CDK3: variants seen among roughly 807,000 people sequenced by gnomAD.
CDK3 encodes the protein cyclin-dependent kinase 3.
In CDK3, 24 loss-of-function variants were observed where a neutral mutation model predicts 30.2. The observed-to-expected ratio is 0.79, with a 90% CI of 0.57 to 1.12. The LOEUF (loss-of-function observed/expected upper bound fraction) is 1.12. Ranked by LOEUF, CDK3 falls within the 50% of genes most tolerant of loss-of-function variation. CDK3 has a pLI of 0.00. For missense variants in CDK3, 345 were observed against 376.0 expected, an observed-to-expected ratio of 0.92 and a Z score of 0.68; for synonymous variants, 158 against 154.2, an observed-to-expected ratio of 1.02 and a Z score of -0.18.
In CDK3 at chr17:76,005,200, A is replaced by G. The variant is rs948705782; in HGVS notation, c.793-98A>G. 72 of 1,490,440 alleles carry G rather than the reference A, an allele frequency of 4.8e-5. No individual in the cohort carries two copies. Among genetic ancestry groups the G allele is most frequent in the Non-Finnish European group, 5.9e-5 (65 of 1,110,238 alleles). 92.3% of individuals were successfully genotyped at this position (1,490,440 alleles called of 1,614,324 possible). A position where few individuals can be genotyped will look rare whatever the true frequency, so the allele number is the denominator to read the frequency against. ...GCGGTTCTGGGTTTGAGGGCAGCCA[A>G]TTTGGGGCCCAGGCCCTTGATCTGG... On this transcript the variant is annotated intron_variant, in intron 7 of 7. Transcript: ENST00000448471. This position sits in a 1 kb window ranked among gnomAD's most constrained non-coding sequence, Gnocchi z 4.7.
rs185401615 is a variant in CDK3 at position 76,003,420 on chromosome 17, C to T, written c.792+22C>T. 1.8e-4 allele frequency: 291 copies of T among 1,595,686 alleles called. 1 individual carries two copies. The East Asian group carries it at 3.7e-3, about 20-fold the overall frequency. On this transcript the variant is annotated intron_variant, in intron 7 of 7. Coordinates refer to ENST00000448471, the MANE Select transcript of CDK3 (RefSeq NM_001258.4). ...CATGGTAGGTGCATGTGGGCTCCAG[C>T]TGCTGCTCCGACTACAGTTTCCCCT...
intron 6 of CDK3, 28 bp from the exon 7 acceptor site, chr17:76,003,167 C>T: frequency 6.2e-7 from 1 of 1,603,428 alleles, no homozygotes; most frequent in Non-Finnish European, 8.5e-7. Flanking sequence ...GTGGCGGACC[C>T]CACACCTTCT....
At position 76,005,105 on chromosome 17, in the gene CDK3, A is replaced by G. The variant is rs1401834478; in HGVS notation, c.793-193A>G. Among the ~76,000 whole-genome samples the G allele has an allele frequency of 6.6e-6, 1 of 151,828 alleles. No individual in the cohort carries two copies. Among genetic ancestry groups the G allele is most frequent in the Non-Finnish European group, 1.5e-5 (1 of 67,942 alleles). ...TCAGTGGCCTGAGGAGACCTGGGTG[A>G]CTCGTTAGGACTGTCCAGATTCCAG... On this transcript the variant is annotated intron_variant, in intron 7 of 7. Coordinates refer to ENST00000448471, the MANE Select transcript of CDK3 (RefSeq NM_001258.4). The surrounding 1 kb of genome is among the most constrained non-coding windows in gnomAD (Gnocchi z 4.7).
chr17:76,003,064 G>A (rs1393627173), intron 6 of CDK3, 131 bp from the exon 7 acceptor site: 2 of 746,698 alleles, frequency 2.7e-6, no homozygotes, highest in African/African-American at 1.7e-5. Context: ...TCCAAAAGAG[G>A]CCAGAATTCT....
rs747669949 is a variant in CDK3, at chr17:76,003,353, A to C, written c.747A>C (p.Glu249Asp). The C allele has an allele frequency of 3.7e-6, 6 of 1,613,892 alleles. No homozygotes were observed. In the Admixed American group the frequency reaches 1.0e-4, roughly 27 times the overall value. The change falls in exon 7 of 8, where the codon GAA becomes GAC. Residue 249 changes from glutamate (E) to aspartate (D), a missense_variant. Physicochemically the swap from Glu to Asp is conservative, Grantham distance 45 (BLOSUM62 2). Coordinates refer to ENST00000448471, the MANE Select transcript of CDK3 (RefSeq NM_001258.4). Reference protein sequence around the residue: ...SFPKWTRKGLEEIVPNLEPEG... With the variant: ...SFPKWTRKGLDEIVPNLEPEG... ...CTAAGTGGACCAGGAAGGGACTGGA[A>C]GAGATTGTGCCCAATCTGGAGCCAG...
rs1229885799 is a variant in CDK3 at position 76,003,772 on chromosome 17, T to A, written c.792+374T>A. 2.0e-5 allele frequency among the ~76,000 whole-genome samples: 3 copies of A among 152,120 alleles called. No homozygotes were observed. The East Asian group carries it at 5.8e-4, about 29-fold the overall frequency. ...TTTTCTTTTTTTTGAGATGGAGTTT[T>A]GCTCTTGTTGCCCGGGCTGGAGTGC... is the stretch of plus-strand genomic sequence containing the variant. On this transcript the variant is annotated intron_variant, in intron 7 of 7. Transcript: ENST00000448471.
intron 7 of CDK3, among the ~76,000 whole-genome samples, chr17:76,004,214 C>T (rs921784206): frequency 7.5e-5 from 3 of 40,078 alleles, no homozygotes; most frequent in African/African-American, 1.8e-4. Context: ...CTGGCAGAAC[C>T]GTCTGTTTTT....
intron 6 of CDK3, 88 bp from the exon 7 acceptor site, chr17:76,003,107 C>A: frequency 2.0e-6 from 2 of 1,025,556 alleles, no homozygotes; most frequent in Non-Finnish European, 3.0e-6. Flanking sequence ...TCTTGACAGG[C>A]CTCTCCCTGG....
In CDK3 at chr17:76,002,710, G is replaced by A; in HGVS notation, c.588+98G>A. Reference sequence around the variant, plus strand: ...ATGCTCCCATTCGAGGCGGATTAAAGAGTGTTTGGGGCTGGACATGGCTCA... The same window carrying A: ...ATGCTCCCATTCGAGGCGGATTAAAAAGTGTTTGGGGCTGGACATGGCTCA... On this transcript the variant is annotated intron_variant, in intron 6 of 7. Coordinates refer to ENST00000448471, the MANE Select transcript of CDK3 (RefSeq NM_001258.4). The surrounding 1 kb of genome is among the most constrained non-coding windows in gnomAD (Gnocchi z 4.3). 1.4e-6 allele frequency: 1 copy of A among 717,928 alleles called. No individual in the cohort carries two copies. The highest frequency in any genetic ancestry group is 2.5e-5 in the East Asian group (1 of 40,370). The allele number at this position is 717,928 out of a possible 1,614,324, so 44.5% of individuals were successfully genotyped here.
chr17:76,001,970 T>TG lies in CDK3; in HGVS notation c.194+23dup. ...TCGTCCGGTGAGTTGGGGATTGAGG[T>TG]GGGGAAGCTGGGATGGCGAAGGTAG... On this transcript the variant is annotated intron_variant, in intron 3 of 7. Transcript: ENST00000448471. This position sits in a 1 kb window ranked among gnomAD's most constrained non-coding sequence, Gnocchi z 6.2. The TG allele has an allele frequency of 6.2e-7, 1 of 1,613,386 alleles. No individual in the cohort carries two copies. The highest frequency in any genetic ancestry group is 8.5e-7 in the Non-Finnish European group (1 of 1,179,630).
chr17:76,002,202 G>A lies in CDK3; in HGVS notation c.316-46G>A, dbSNP rs368962392. 4.3e-5 allele frequency: 69 copies of A among 1,612,352 alleles called. No individual in the cohort carries two copies. The highest frequency in any genetic ancestry group is 1.2e-4 in the South Asian group (11 of 91,016). Reference sequence around the variant, plus strand: ...CCCCATCCCTGCCATCCCTGTCCACGCAGCACCTCCGCTCAGCTGGCTGCA... The same window carrying A: ...CCCCATCCCTGCCATCCCTGTCCACACAGCACCTCCGCTCAGCTGGCTGCA... On this transcript the variant is annotated intron_variant, in intron 4 of 7. Transcript: ENST00000448471. This position sits in a 1 kb window ranked among gnomAD's most constrained non-coding sequence, Gnocchi z 4.3.
At chr17:76,004,060 C>T (rs1311388041) in intron 7 of CDK3, among the ~76,000 whole-genome samples, 1 of 152,016 alleles carries the variant, frequency 6.6e-6, no homozygotes, top group African/African-American at 2.4e-5. Flanking sequence ...TCTCGTTCTA[C>T]TGCCTGGCTG....
Position 76,001,098 on chromosome 17 carries a change from G to A in CDK3, c.-15+131G>A. The A allele has an allele frequency of 8.3e-7, 1 of 1,206,544 alleles. No individual in the cohort carries two copies. Among genetic ancestry groups the A allele is most frequent in the African/African-American group, 1.6e-5 (1 of 63,094 alleles). The allele number at this position is 1,206,544 out of a possible 1,614,324, so 74.7% of individuals were successfully genotyped here. ...TCTGGCTGGGATGGGCAGGGGGCTGGGTGGGAGAGTGTGGGCCCTGCCCTC... is the reference window on the plus strand; with the variant it reads ...TCTGGCTGGGATGGGCAGGGGGCTGAGTGGGAGAGTGTGGGCCCTGCCCTC... On this transcript the variant is annotated intron_variant, in intron 1 of 7. Coordinates refer to ENST00000448471, the MANE Select transcript of CDK3 (RefSeq NM_001258.4). The surrounding 1 kb of genome is among the most constrained non-coding windows in gnomAD (Gnocchi z 6.2).
In CDK3 at chr17:76,005,515, G is replaced by A; in HGVS notation, c.*92G>A. 6.9e-7 allele frequency: 1 copy of A among 1,454,210 alleles called. No homozygotes were observed. The highest frequency in any genetic ancestry group is 9.4e-7 in the Non-Finnish European group (1 of 1,066,998). The allele number at this position is 1,454,210 out of a possible 1,614,324, so 90.1% of individuals were successfully genotyped here. On this transcript the variant is annotated 3_prime_UTR_variant, in exon 8 of 8. Coordinates refer to ENST00000448471, the MANE Select transcript of CDK3 (RefSeq NM_001258.4). This position sits in a 1 kb window ranked among gnomAD's most constrained non-coding sequence, Gnocchi z 4.7. ...CCAAGAGAGGATGCATCTGGGGAGA[G>A]CAAAGCACTAAGGAATTCAGCATCA... is the stretch of plus-strand genomic sequence containing the variant.
rs2066260054 is a variant in CDK3, at chr17:76,001,613, C to T, written c.116+72C>T. On this transcript the variant is annotated intron_variant, in intron 2 of 7. Coordinates refer to ENST00000448471, the MANE Select transcript of CDK3 (RefSeq NM_001258.4). This position sits in a 1 kb window ranked among gnomAD's most constrained non-coding sequence, Gnocchi z 6.2. ...ACCTGGGCGCTCCCTGATCCGTTCC[C>T]TCTTTCCTGGAGTCCACGTTTAACT... 7.5e-7 allele frequency: 1 copy of T among 1,326,782 alleles called. No homozygotes were observed. The highest frequency in any genetic ancestry group is 1.4e-5 in the African/African-American group (1 of 69,192). 82.2% of individuals were successfully genotyped at this position (1,326,782 alleles called of 1,614,324 possible).
intron 6 of CDK3, 95 bp from the exon 7 acceptor site, chr17:76,003,100 T>C: frequency 2.1e-6 from 2 of 970,326 alleles, no homozygotes; most frequent in South Asian, 2.9e-5. Flanking sequence ...AAAGATATCT[T>C]GACAGGCCTC....
In CDK3 at chr17:76,001,199, T is replaced by C; in HGVS notation, c.-14-213T>C. ...GGTGAAGGGGGCCCCCTGACCCCCT[T>C]GGGGTCCGGGCTGGGCTGGGTGAGG... On this transcript the variant is annotated intron_variant, in intron 1 of 7. Transcript: ENST00000448471. This position sits in a 1 kb window ranked among gnomAD's most constrained non-coding sequence, Gnocchi z 6.2. 6 of 1,384,740 alleles carry C rather than the reference T, an allele frequency of 4.3e-6. No individual in the cohort carries two copies. Among genetic ancestry groups the C allele is most frequent in the Non-Finnish European group, 5.6e-6 (6 of 1,067,690 alleles). The allele number at this position is 1,384,740 out of a possible 1,614,324, so 85.8% of individuals were successfully genotyped here.
chr17:76,003,972 C>A (rs991639596), intron 7 of CDK3, among the ~76,000 whole-genome samples: 4 of 147,112 alleles, frequency 2.7e-5, no homozygotes, highest in African/African-American at 9.8e-5. Flanking sequence ...TGGTCTTGAA[C>A]TCCTCAGGTG....
Position 76,000,939 on chromosome 17 carries a change from G to A in CDK3, c.-43G>A. The A allele has an allele frequency of 9.3e-7, 1 of 1,076,172 alleles. No homozygotes were observed. Among genetic ancestry groups the A allele is most frequent in the Non-Finnish European group, 1.1e-6 (1 of 883,616 alleles). 66.7% of individuals were successfully genotyped at this position (1,076,172 alleles called of 1,614,324 possible). ...TGGCCGCCATGTGTACCCAGAGCCT[G>A]GGACTGGCTGGGCTGGGCAGTGACC... On this transcript the variant is annotated 5_prime_UTR_variant, in exon 1 of 8. Coordinates refer to ENST00000448471, the MANE Select transcript of CDK3 (RefSeq NM_001258.4). The surrounding 1 kb of genome is among the most constrained non-coding windows in gnomAD (Gnocchi z 5.9).
Sources: allele counts gnomAD v4.1 joint callset (sites outside exome capture counted in the v4.1 genomes callset), GRCh38; gene constraint gnomAD v4.1.1; non-coding constraint Gnocchi (gnomAD v3.1); transcripts MANE v1.5; gene names NCBI Gene and HGNC (gene_info 2026-07-23, HGNC 2026-07-21).